The following RIMS1 variants were observed in gnomAD, a reference collection of about 807,000 sequenced individuals.
The protein encoded by RIMS1 is regulating synaptic membrane exocytosis protein 1.
In RIMS1, 83 loss-of-function variants were observed where a neutral mutation model predicts 214.1. The ratio of observed to expected loss-of-function variants is 0.39; its 90% confidence interval spans 0.32 to 0.47. RIMS1 has a LOEUF of 0.47. Ranked by LOEUF, RIMS1 falls within the 20% of genes least tolerant of loss-of-function variation. The pLI is 0.99. For synonymous variants in RIMS1, 793 were observed against 786.8 expected (o/e 1.01, Z -0.13); for missense variants, 2,050 against 2,161.8 (o/e 0.95, Z 1.03).
chr6:72,196,003 C>A (rs578212978), intron 6 of RIMS1, among the ~76,000 whole-genome samples: 62 of 152,110 alleles, frequency 4.1e-4, no homozygotes, highest in Admixed American at 1.4e-3. Flanking sequence ...GGGGACACCG[C>A]CCCCATGATC....
chr6:72,391,372 A>AT (rs2098699920), intron 30 of RIMS1, among the ~76,000 whole-genome samples: 1 of 134,040 alleles, frequency 7.5e-6, no homozygotes. Flanking sequence ...TTTTTTTACC[A>AT]TTTCATATGG....
At chr6:72,350,125 A>G (rs546405345) in intron 29 of RIMS1, among the ~76,000 whole-genome samples, 13 of 152,272 alleles carry the variant, frequency 8.5e-5, no homozygotes, top group East Asian at 5.8e-4. Flanking sequence ...CAGTTTGAAA[A>G]GTATATTTTT....
chr6:72,261,695 T>C (rs921442117), intron 19 of RIMS1: 2 of 985,002 alleles, frequency 2.0e-6, no homozygotes, highest in Non-Finnish European at 2.4e-6. Context: ...CAAAGACAAA[T>C]GCATGATTTA....
At chr6:72,197,021 T>C (rs749981777) in intron 6 of RIMS1, among the ~76,000 whole-genome samples, 1 of 152,066 alleles carries the variant, frequency 6.6e-6, no homozygotes, top group Non-Finnish European at 1.5e-5. Flanking sequence ...AGGCCCAAGA[T>C]TTAAATCCTA....
chr6:72,131,544 G>A (rs755056480), intron 4 of RIMS1, among the ~76,000 whole-genome samples: 4 of 150,094 alleles, frequency 2.7e-5, no homozygotes, highest in Non-Finnish European at 3.0e-5. Flanking sequence ...GGAGTGTACC[G>A]ATAGGGTGTG....
chr6:72,112,586 C>G (rs555899718), intron 4 of RIMS1, among the ~76,000 whole-genome samples: 1 of 152,232 alleles, frequency 6.6e-6, no homozygotes, highest in Admixed American at 6.6e-5. Context: ...CTAAACAAAG[C>G]CCTGCCTCAG....
intron 26 of RIMS1, among the ~76,000 whole-genome samples, chr6:72,303,321 A>C (rs1336711567): frequency 6.6e-6 from 1 of 150,802 alleles, no homozygotes; most frequent in Non-Finnish European, 1.5e-5. Context: ...GATCTAGAAA[A>C]ATGCATATAG....
chr6:72,159,977 G>C lies in RIMS1; in HGVS notation c.472-19598G>C, dbSNP rs186369612. On this transcript the variant is annotated intron_variant, in intron 4 of 33. Coordinates refer to ENST00000521978, the MANE Select transcript of RIMS1 (RefSeq NM_014989.7). ...TGGCATTGAATCTATAAATTACCTTGGGCAGCAAGGCCATTTTCACGATAT... is the reference window on the plus strand; with the variant it reads ...TGGCATTGAATCTATAAATTACCTTCGGCAGCAAGGCCATTTTCACGATAT... Among the ~76,000 whole-genome samples the C allele has an allele frequency of 2.2e-5, 3 of 138,660 alleles. 1 individual carries two copies. Among genetic ancestry groups the C allele is most frequent in the Non-Finnish European group, 3.3e-5 (2 of 61,152 alleles). 91.0% of individuals were successfully genotyped at this position (138,660 alleles called of 152,430 possible).
At chr6:72,145,707 C>T (rs145695318) in intron 4 of RIMS1, among the ~76,000 whole-genome samples, 185 of 152,256 alleles carry the variant, frequency 1.2e-3, no homozygotes, top group Non-Finnish European at 1.8e-3. Flanking sequence ...CCAGTGTTCC[C>T]AAGGGGCTTT....
chr6:72,272,600 C>T (rs1008051453), intron 22 of RIMS1, among the ~76,000 whole-genome samples: 3 of 152,142 alleles, frequency 2.0e-5, no homozygotes, highest in Non-Finnish European at 4.4e-5. Flanking sequence ...ACAGCTTTCA[C>T]TGCATGTTTC....
chr6:72,338,319 A>G (rs1209627180), intron 29 of RIMS1, among the ~76,000 whole-genome samples: 3 of 151,950 alleles, frequency 2.0e-5, no homozygotes, highest in Admixed American at 6.6e-5. Flanking sequence ...TGTGGTTTTG[A>G]TTTGCATTTC....
At position 72,378,248 on chromosome 6, in the gene RIMS1, T is replaced by C. The variant is rs186122476; in HGVS notation, c.4367-12350T>C. On this transcript the variant is annotated intron_variant, in intron 29 of 33. Transcript: ENST00000521978. ...AAGAATTGCTGCCTATCTCTTTAAG[T>C]TGCCCTGCTGGGTCTCCCAACAGGA... Among the ~76,000 whole-genome samples the C allele has an allele frequency of 6.6e-4, 101 of 152,324 alleles. 2 individuals are homozygous for C. Among genetic ancestry groups the C allele is most frequent in the African/African-American group, 2.2e-3 (91 of 41,578 alleles).
chr6:72,187,546 G>T (rs2049336664), intron 6 of RIMS1, among the ~76,000 whole-genome samples: 1 of 133,004 alleles, frequency 7.5e-6, no homozygotes, highest in Admixed American at 8.6e-5. Context: ...ATGTGATCTT[G>T]GCTCACTGCA....
intron 6 of RIMS1, 140 bp downstream of exon 6, chr6:72,183,289 A>C: frequency 2.7e-6 from 2 of 730,328 alleles, no homozygotes; most frequent in East Asian, 5.5e-5. Context: ...CGCCAGTGGA[A>C]GGTCTTATTT....
At chr6:72,361,167 G>A (rs767360368) in intron 29 of RIMS1, among the ~76,000 whole-genome samples, 4 of 132,140 alleles carry the variant, frequency 3.0e-5, no homozygotes, top group Non-Finnish European at 4.6e-5. Context: ...GGAGTACAGT[G>A]GCACGACTCA....
intron 4 of RIMS1, among the ~76,000 whole-genome samples, chr6:72,159,206 G>C (rs550065273): frequency 1.4e-5 from 2 of 141,334 alleles, no homozygotes; most frequent in South Asian, 4.6e-4. Context: ...CTTTTGAGAA[G>C]TGTCTGTTCA....
chr6:72,082,544 G>T (rs951800339), intron 2 of RIMS1, among the ~76,000 whole-genome samples: 3 of 152,118 alleles, frequency 2.0e-5, no homozygotes, highest in African/African-American at 7.2e-5. Context: ...GAAATTTGGC[G>T]CTAGAACCAC....
chr6:72,220,105 GT>G (rs1235452035), intron 6 of RIMS1, among the ~76,000 whole-genome samples: 1 of 152,024 alleles, frequency 6.6e-6, no homozygotes, highest in African/African-American at 2.4e-5. Context: ...TCTGAGTATG[GT>G]TTTTTGATTT....
rs1423521329 is a variant in RIMS1 at position 72,154,148 on chromosome 6, A to AG, written c.472-25427_472-25426insG. ...AAGATATAAGGAATAGCTGTATATG[A>AG]AATAGCTACAAATTTGCATGCTAGG... On this transcript the variant is annotated intron_variant, in intron 4 of 33. Transcript: ENST00000521978. Among the ~76,000 whole-genome samples the AG allele has an allele frequency of 1.7e-3, 247 of 142,582 alleles. 22 individuals are homozygous for AG. The highest frequency in any genetic ancestry group is 2.5e-3 in the South Asian group (11 of 4,404). 93.5% of individuals were successfully genotyped at this position (142,582 alleles called of 152,430 possible).
Sources: allele counts gnomAD v4.1 joint callset (sites outside exome capture counted in the v4.1 genomes callset), GRCh38; gene constraint gnomAD v4.1.1; transcripts MANE v1.5; gene names NCBI Gene and HGNC (gene_info 2026-07-23, HGNC 2026-07-21).